The following PABIR3 variants were observed in gnomAD, a reference collection of about 807,000 sequenced individuals.
The protein encoded by PABIR3 is PABIR family member 3.
A neutral mutation model predicts 23.1 loss-of-function variants in PABIR3; 20 were observed. That is an observed-to-expected ratio of 0.86 (90% CI 0.61 to 1.26). PABIR3 has a LOEUF of 1.26. Among genes scored for constraint, PABIR3 ranks in the 50% most tolerant of loss-of-function variants. PABIR3 has a pLI of 0.00. For synonymous variants in PABIR3, 69 were observed against 68.5 expected, an observed-to-expected ratio of 1.01 and a Z score of -0.04; for missense variants, 189 against 195.4, an observed-to-expected ratio of 0.97 and a Z score of 0.20.
chrX:134,811,523 G>T (rs779714089), intron 2 of PABIR3, among the ~76,000 whole-genome samples: 20 of 110,338 alleles, frequency 1.8e-4, no homozygotes, highest in Non-Finnish European at 3.6e-4. Flanking sequence ...GAGTAGCTGG[G>T]ACTACAGGCA....
At chrX:134,832,216 A>C (rs2081815530) in intron 4 of PABIR3, among the ~76,000 whole-genome samples, 1 of 107,697 alleles carries the variant, frequency 9.3e-6, no homozygotes, top group South Asian at 4.4e-4. Context: ...CGGAGGTTGC[A>C]GTGAGCCGAG....
At chrX:134,862,754 T>G in the PABIR3 span, among the ~76,000 whole-genome samples, 1 of 111,854 alleles carries the variant, frequency 8.9e-6, no homozygotes, top group Non-Finnish European at 1.9e-5. Context: ...CTATTTAAGC[T>G]TTTATTGAAT....
chrX:134,844,313 C>G (rs1291998222), intron 4 of PABIR3: 2 of 110,942 alleles, frequency 1.8e-5, no homozygotes, highest in East Asian at 5.6e-4. Context: ...ACTGCTTTGG[C>G]TATTTGGGGT....
At chrX:134,819,387 T>A (rs964403303) in intron 3 of PABIR3, among the ~76,000 whole-genome samples, 1 of 111,852 alleles carries the variant, frequency 8.9e-6, no homozygotes, top group African/African-American at 3.2e-5. Flanking sequence ...ACTTATTGGA[T>A]GATGGGGATT....
At chrX:134,824,835 G>T (rs1174585649) in intron 3 of PABIR3, among the ~76,000 whole-genome samples, 1 of 111,928 alleles carries the variant, frequency 8.9e-6, no homozygotes, top group African/African-American at 3.2e-5. Context: ...AAAAATAAAA[G>T]ATCAGGACAA....
chrX:134,838,359 G>C (rs1265058004), intron 4 of PABIR3, among the ~76,000 whole-genome samples: 1 of 109,163 alleles, frequency 9.2e-6, no homozygotes, highest in Admixed American at 9.8e-5. Flanking sequence ...TGTCGCCCAG[G>C]CTGGAGTGCA....
chrX:134,811,009 G>A (rs768160810), intron 2 of PABIR3: 31 of 752,241 alleles, frequency 4.1e-5, no homozygotes, highest in African/African-American at 1.9e-4. Context: ...AGTAATTTTC[G>A]AACTTTGCTT....
chrX:134,833,471 T>C (rs2036851117), intron 4 of PABIR3, among the ~76,000 whole-genome samples: 1 of 112,324 alleles, frequency 8.9e-6, no homozygotes, highest in African/African-American at 3.2e-5. Flanking sequence ...ATTTTTTAAC[T>C]GATCCAAACA....
Position 134,847,493 on chromosome X carries a change from A to G in PABIR3, c.438+18A>G, listed in dbSNP as rs772232206. ...CTGGGAAGGTAAGAAAGGAGTACCT[A>G]AAAGTCTATGTCTCTTGAAATAGTT... is the stretch of plus-strand genomic sequence containing the variant. On this transcript the variant is annotated intron_variant, in intron 7 of 10. Transcript: ENST00000645433. 5.5e-6 allele frequency: 6 copies of G among 1,082,283 alleles called. No homozygotes were observed. In the South Asian group the frequency reaches 1.1e-4, roughly 20 times the overall value. The allele number at this position is 1,082,283 out of a possible 1,213,427, so 89.2% of individuals were successfully genotyped here.
At chrX:134,809,980 A>G (rs1403444952) in intron 2 of PABIR3, 1 of 753,234 alleles carries the variant, frequency 1.3e-6, no homozygotes, top group Non-Finnish European at 1.6e-6. Context: ...TGTTGTGCTG[A>G]GAACAAGAAC....
chrX:134,850,607 A>G (rs1415551471), intron 9 of PABIR3, among the ~76,000 whole-genome samples: 6 of 112,390 alleles, frequency 5.3e-5, no homozygotes, highest in Non-Finnish European at 1.1e-4. Context: ...GCTTAAATTG[A>G]GGAGTGTTTT....
At chrX:134,829,137 ATT>A (rs1417845247) in intron 3 of PABIR3, 87 bp from the exon 4 acceptor site, 1 of 751,612 alleles carries the variant, frequency 1.3e-6, no homozygotes, top group Non-Finnish European at 2.0e-6. Context: ...CTAAATAAAT[ATT>A]TTAGGTAATT....
intron 1 of PABIR3, chrX:134,797,227 T>G (rs1277073930): frequency 1.8e-5 from 2 of 113,560 alleles, no homozygotes; most frequent in East Asian, 2.8e-4. Flanking sequence ...CAGCGGCCAC[T>G]CCAATGGGCC....
chrX:134,818,802 C>T (rs2081110387), intron 3 of PABIR3, among the ~76,000 whole-genome samples: 1 of 110,687 alleles, frequency 9.0e-6, no homozygotes, highest in African/African-American at 3.3e-5. Flanking sequence ...ACTAAATGCT[C>T]AATAAATATG....
chrX:134,847,565 G>A (rs2148348967), intron 7 of PABIR3, 90 bp downstream of exon 7: 1 of 660,761 alleles, frequency 1.5e-6, no homozygotes, highest in East Asian at 3.3e-5. Context: ...AATATTTTGG[G>A]GGATATATTT....
intron 10 of PABIR3, among the ~76,000 whole-genome samples, chrX:134,853,265 T>A (rs1469530145): frequency 6.3e-5 from 7 of 110,584 alleles, no homozygotes; most frequent in Non-Finnish European, 1.3e-4. Flanking sequence ...ATGGGGTTTT[T>A]CCATGTTGCC....
downstream of PABIR3, among the ~76,000 whole-genome samples, chrX:134,858,990 G>C (rs2082761101): frequency 8.9e-6 from 1 of 111,756 alleles, no homozygotes; most frequent in African/African-American, 3.3e-5. Context: ...GATTTCTGTG[G>C]CTTTACTGAC....
At chrX:134,798,916 GCAAA>G (rs753608007) in intron 1 of PABIR3, among the ~76,000 whole-genome samples, 6 of 112,072 alleles carry the variant, frequency 5.4e-5, no homozygotes, top group Middle Eastern at 4.6e-3. Flanking sequence ...TACTGAAAAG[GCAAA>G]CAAACAAACA....
At chrX:134,809,055 A>G (rs1349296256) in intron 2 of PABIR3, 1 of 124,330 alleles carries the variant, frequency 8.0e-6, no homozygotes, top group Non-Finnish European at 1.6e-5. Context: ...TAGGGGAAAA[A>G]TGTCTAAAAA....
Sources: gnomAD v4.1 joint callset for allele counts (sites outside exome capture counted in the v4.1 genomes callset) on GRCh38, gnomAD v4.1.1 for gene constraint, MANE v1.5 for transcripts, NCBI Gene and HGNC (gene_info 2026-07-23, HGNC 2026-07-21) for gene names.